The following USP7 variants were observed in gnomAD, a reference collection of about 807,000 sequenced individuals.
USP7 encodes the protein ubiquitin C-terminal hydrolase 7.
Under a neutral mutation model 162.9 loss-of-function variants are expected in USP7, and 9 were observed. The observed-to-expected ratio is 0.06, with a 90% CI of 0.03 to 0.10. The LOEUF (loss-of-function observed/expected upper bound fraction) is 0.10. Ranked by LOEUF, USP7 falls within the 10% of genes least tolerant of loss-of-function variation. The pLI is 1.00. For synonymous variants in USP7, 562 were observed against 475.9 expected, an observed-to-expected ratio of 1.18 and a Z score of -2.35; for missense variants, 715 against 1,373.7, an observed-to-expected ratio of 0.52 and a Z score of 7.58.
intron 10 of USP7, among the ~76,000 whole-genome samples, chr16:8,914,947 T>C (rs529952287): frequency 9.0e-4 from 137 of 152,302 alleles, no homozygotes; most frequent in African/African-American, 3.0e-3. Flanking sequence ...AAATACATCC[T>C]ACTACAAGGT....
At chr16:8,903,694 CCT>C (rs1282606451) in intron 15 of USP7, among the ~76,000 whole-genome samples, 7 of 152,046 alleles carry the variant, frequency 4.6e-5, no homozygotes, top group Admixed American at 4.6e-4. Flanking sequence ...ACGGAGAAAC[CCT>C]GTCTCTACTA....
In USP7 at chr16:8,920,439, G is replaced by C. The variant is rs139769784; in HGVS notation, c.531C>G (p.Thr177=). 3.1e-6 allele frequency: 5 copies of C among 1,611,662 alleles called. No homozygotes were observed. The African/African-American group carries it at 6.7e-5, about 22-fold the overall frequency. ...CATCTATAAATCCTTTCTCAGGATC[G>C]GTCACTTCCTATAAAACATAAATAA... is the stretch of plus-strand genomic sequence containing the variant. ...FSNFMAWSEV[T]DPEKGFIDDD... Residue 177 remains threonine (T), a synonymous_variant, in exon 5 of 31, where the codon ACC becomes ACG. Transcript: ENST00000344836.
rs2061759388 is a variant in USP7 at position 8,900,642 on chromosome 16, G to A, written c.2209-12C>T. 1 of 1,585,652 alleles carries A rather than the reference G, an allele frequency of 6.3e-7. No individual in the cohort carries two copies. Among genetic ancestry groups the A allele is most frequent in the Non-Finnish European group, 8.6e-7 (1 of 1,161,110 alleles). ...TTCGGTTTAACTTCCTACAGTGAAA[G>A]ATATAAAATTGTTACACTGCAAGTT... On this transcript the variant is annotated splice_polypyrimidine_tract_variant and intron_variant, in intron 20 of 30. Transcript: ENST00000344836.
intron 1 of USP7, among the ~76,000 whole-genome samples, chr16:8,937,500 C>A (rs1898815959): frequency 6.6e-6 from 1 of 152,128 alleles, no homozygotes; most frequent in Non-Finnish European, 1.5e-5. Flanking sequence ...TGAGATCACG[C>A]CATTGCACTC....
intron 10 of USP7, among the ~76,000 whole-genome samples, chr16:8,912,353 G>A (rs1455679628): frequency 1.3e-5 from 2 of 151,638 alleles, no homozygotes; most frequent in African/African-American, 2.4e-5. Flanking sequence ...TCAGGAGGCT[G>A]AAAGGAGAAT....
intron 1 of USP7, among the ~76,000 whole-genome samples, chr16:8,939,336 T>C (rs1484339330): frequency 1.3e-5 from 2 of 152,150 alleles, no homozygotes; most frequent in Non-Finnish European, 2.9e-5. Flanking sequence ...ACTTCACCAA[T>C]GCTATATAAA....
intron 1 of USP7, among the ~76,000 whole-genome samples, chr16:8,940,887 T>C (rs1447219675): frequency 6.6e-6 from 1 of 151,452 alleles, no homozygotes; most frequent in Non-Finnish European, 1.5e-5. Context: ...GAACCTGGAA[T>C]ATATACAGTC....
intron 2 of USP7, among the ~76,000 whole-genome samples, chr16:8,924,915 C>T (rs920966534): frequency 6.6e-6 from 1 of 152,188 alleles, no homozygotes; most frequent in Non-Finnish European, 1.5e-5. Flanking sequence ...CTGAAAGAGG[C>T]GCATCTTGTC....
In USP7 at chr16:8,937,233, C is replaced by T. The variant is rs531311025; in HGVS notation, c.80-6836G>A. Among the ~76,000 whole-genome samples the T allele has an allele frequency of 2.0e-5, 3 of 151,740 alleles. 1 individual carries two copies. The highest frequency in any genetic ancestry group is 4.2e-4 in the South Asian group (2 of 4,810). On this transcript the variant is annotated intron_variant, in intron 1 of 30. Transcript: ENST00000344836. ...TTTTTTAAAAAAAAAAGGATTAACA[C>T]GAAACAACGTGTATAAGACAAGCAA...
At chr16:8,906,886 A>C (rs1264731186) in intron 12 of USP7, among the ~76,000 whole-genome samples, 1 of 152,256 alleles carries the variant, frequency 6.6e-6, no homozygotes, top group Non-Finnish European at 1.5e-5. Context: ...ATGAAAAATC[A>C]AATTCAGAAA....
In USP7 at chr16:8,901,150, C is replaced by T. The variant is rs1291722999; in HGVS notation, c.2132G>A (p.Cys711Tyr). The change falls in exon 19 of 31, where the codon TGT (cysteine) becomes TAT (tyrosine). Residue 711 changes from cysteine to tyrosine, a missense_variant. Around this residue, in one of 11 missense-constraint regions of USP7, gnomAD observed 197 missense variants for 306.5 expected, o/e 0.64. Transcript: ENST00000344836. ...GTGCACGAAGGACTTACGTATTTTA[C>T]AGGATATTGGTGTGTAGATATGCCC... ...YCGHIYTPIS[C>Y]KIRDLLPVMC... The T allele has an allele frequency of 3.7e-6, 6 of 1,613,888 alleles. No homozygotes were observed. Among genetic ancestry groups the T allele is most frequent in the Non-Finnish European group, 5.1e-6 (6 of 1,179,824 alleles).
chr16:8,917,219 TA>T lies in USP7; in HGVS notation c.721-64del, dbSNP rs879174152. 6 of 1,521,446 alleles carry T rather than the reference TA, an allele frequency of 3.9e-6. No homozygotes were observed. In the South Asian group the frequency reaches 6.3e-5, roughly 16 times the overall value. 94.2% of individuals were successfully genotyped at this position (1,521,446 alleles called of 1,614,324 possible). On this transcript the variant is annotated intron_variant, in intron 6 of 30. Transcript: ENST00000344836. ...AGATGCAGGGGAATTTAAAAAACAG[TA>T]AGAATTTAATCTTCATGTTTAAAAA...
At position 8,900,412 on chromosome 16, in the gene USP7, A is replaced by T. The variant is rs1310851939; in HGVS notation, c.2309+118T>A. 1.4e-5 allele frequency: 9 copies of T among 658,552 alleles called. No individual in the cohort carries two copies. The Admixed American group carries it at 2.2e-4, about 16-fold the overall frequency. The allele number at this position is 658,552 out of a possible 1,614,324, so 40.8% of individuals were successfully genotyped here. On this transcript the variant is annotated intron_variant, in intron 21 of 30. Transcript: ENST00000344836. ...GAGAAAGCCTCTCAACAGTTACATT[A>T]AAAAAAACAAAAACAAAAACGTGGC...
chr16:8,903,515 ACTT>A, intron 15 of USP7, 113 bp from the exon 16 acceptor site: 1 of 1,295,884 alleles, frequency 7.7e-7, no homozygotes, highest in Non-Finnish European at 1.0e-6. Flanking sequence ...TTCCAAAGAA[ACTT>A]CTTCAGAAGA....
chr16:8,932,616 A>G (rs1270457395), intron 1 of USP7, among the ~76,000 whole-genome samples: 2 of 82,858 alleles, frequency 2.4e-5, no homozygotes, highest in African/African-American at 5.6e-5. Flanking sequence ...GCTAAATTTA[A>G]AAAAGAGAAA....
chr16:8,939,602 A>T (rs964767935), intron 1 of USP7, among the ~76,000 whole-genome samples: 1 of 152,258 alleles, frequency 6.6e-6, no homozygotes, highest in African/African-American at 2.4e-5. Flanking sequence ...GGAGAAATCA[A>T]CTGGCCTTCC....
At chr16:8,954,816 C>T (rs1858132663) in intron 1 of USP7, among the ~76,000 whole-genome samples, 1 of 152,032 alleles carries the variant, frequency 6.6e-6, no homozygotes, top group Admixed American at 6.5e-5. Context: ...AAAAAATTAG[C>T]CGGTGCGGTG....
chr16:8,948,719 G>C (rs1212098600), intron 1 of USP7, among the ~76,000 whole-genome samples: 2 of 152,108 alleles, frequency 1.3e-5, no homozygotes, highest in Non-Finnish European at 1.5e-5. Flanking sequence ...AGTAAAAGCA[G>C]CCAAAAACAA....
chr16:8,897,113 A>T lies in USP7; in HGVS notation c.2719-14T>A. On this transcript the variant is annotated splice_polypyrimidine_tract_variant and intron_variant, in intron 25 of 30. Coordinates refer to ENST00000344836, the MANE Select transcript of USP7 (RefSeq NM_003470.3). Reference sequence around the variant, plus strand: ...TAGTGTTATTTCCTAAGTAATGAAAAGATAAAATAAGTGCTTTCAAGAAAG... The same window carrying T: ...TAGTGTTATTTCCTAAGTAATGAAATGATAAAATAAGTGCTTTCAAGAAAG... 6.3e-7 allele frequency: 1 copy of T among 1,584,256 alleles called. No homozygotes were observed.
Sources: gnomAD v4.1 joint callset for allele counts (sites outside exome capture counted in the v4.1 genomes callset) on GRCh38, gnomAD v4.1.1 for gene constraint, gnomAD v4.1.1 regional missense constraint, MANE v1.5 for transcripts, NCBI Gene and HGNC (gene_info 2026-07-23, HGNC 2026-07-21) for gene names.